Variants in SEPSECS observed in about 807,000 individuals in gnomAD.
The protein encoded by SEPSECS is O-phosphoseryl-tRNA(Sec) selenium transferase.
In SEPSECS, 42 loss-of-function variants were observed where a neutral mutation model predicts 52.1. That is an observed-to-expected ratio of 0.81 (90% CI 0.63 to 1.04). The LOEUF (loss-of-function observed/expected upper bound fraction) is 1.04. Among genes scored for constraint, SEPSECS ranks in the 50% least tolerant of loss-of-function variants. The pLI is 0.00. For missense variants in SEPSECS, 590 were observed against 610.6 expected, an observed-to-expected ratio of 0.97 and a Z score of 0.36; for synonymous variants, 216 against 211.4, an observed-to-expected ratio of 1.02 and a Z score of -0.19.
At chr4:25,124,606 TG>T (rs1278780976) in intron 10 of SEPSECS, among the ~76,000 whole-genome samples, 4 of 152,206 alleles carry the variant, frequency 2.6e-5, no homozygotes, top group Non-Finnish European at 4.4e-5. Context: ...GTGCCAAATC[TG>T]GAATATGACT....
rs75031491 is a variant in SEPSECS at position 25,140,856 on chromosome 4, G to A, written c.1026+3918C>T. Among the ~76,000 whole-genome samples the A allele has an allele frequency of 9.5e-3, 1,442 of 151,666 alleles. 40 individuals are homozygous for A. The highest frequency in any genetic ancestry group is 0.042 in the Admixed American group (642 of 15,244). On this transcript the variant is annotated intron_variant, in intron 8 of 10. Coordinates refer to ENST00000382103, the MANE Select transcript of SEPSECS (RefSeq NM_016955.4). ...ACTCCCTCCTCCTTAATACACAGTT[G>A]GTCCTCCATATCCATGAGTTCTGCC...
rs1012512862 is a variant in SEPSECS, at chr4:25,120,637, T to G, written c.*3294A>C. ...AGGTTGGCCTCAAAAATGCAAAACA[T>G]AACAAAATCATTTAAGGGTCTGGCA... On this transcript the variant is annotated 3_prime_UTR_variant, in exon 11 of 11. Coordinates refer to ENST00000382103, the MANE Select transcript of SEPSECS (RefSeq NM_016955.4). The G allele has an allele frequency of 2.6e-5, 4 of 152,118 alleles. No individual in the cohort carries two copies. Among genetic ancestry groups the G allele is most frequent in the Non-Finnish European group, 5.9e-5 (4 of 67,962 alleles). The allele number at this position is 152,118 out of a possible 1,614,324, so 9.4% of individuals were successfully genotyped here.
chr4:25,160,247 G>T lies in SEPSECS; in HGVS notation c.114+9C>A. ...GCGGCGGCTGGGGAGGGGACCGACA[G>T]CTCGGTACCTTCTCCAGAAGCAGCC... On this transcript the variant is annotated intron_variant, in intron 1 of 10. Transcript: ENST00000382103. 1 of 1,552,650 alleles carries T rather than the reference G, an allele frequency of 6.4e-7. No individual in the cohort carries two copies. The highest frequency in any genetic ancestry group is 1.9e-5 in the Admixed American group (1 of 51,724).
chr4:25,134,320 A>ATGTGTG (rs3066762), intron 8 of SEPSECS, among the ~76,000 whole-genome samples: 10,901 of 144,984 alleles, frequency 0.075, 430 homozygotes, highest in South Asian at 0.11. Context: ...ATCTTTAAAA[A>ATGTGTG]TGTGTGTGTG....
At chr4:25,156,582 C>A (rs928682878) in intron 3 of SEPSECS, among the ~76,000 whole-genome samples, 1 of 151,310 alleles carries the variant, frequency 6.6e-6, no homozygotes, top group Non-Finnish European at 1.5e-5. Flanking sequence ...GCGGTGGGCA[C>A]CTGTAGTCCC....
chr4:25,152,103 G>A (rs1232052262), intron 5 of SEPSECS, 41 bp from the exon 6 acceptor site: 1 of 1,176,988 alleles, frequency 8.5e-7, no homozygotes, highest in Non-Finnish European at 1.3e-6. Flanking sequence ...TACTCACACT[G>A]TGTTTTATAA....
intron 6 of SEPSECS, among the ~76,000 whole-genome samples, chr4:25,151,546 T>A (rs1055934020): frequency 6.6e-6 from 1 of 152,288 alleles, no homozygotes; most frequent in Non-Finnish European, 1.5e-5. Context: ...ACCTGCCAAT[T>A]CCACAGCTAT....
intron 2 of SEPSECS, among the ~76,000 whole-genome samples, 189 bp downstream of exon 2, chr4:25,158,764 T>C (rs1429254055): frequency 6.6e-6 from 1 of 152,214 alleles, no homozygotes; most frequent in Non-Finnish European, 1.5e-5. Flanking sequence ...CTATTGTCTT[T>C]GAAAAGCACC....
At chr4:25,146,868 T>C (rs1418105515) in intron 6 of SEPSECS, among the ~76,000 whole-genome samples, 1 of 152,208 alleles carries the variant, frequency 6.6e-6, no homozygotes, top group African/African-American at 2.4e-5. Flanking sequence ...AAAAATCTCA[T>C]ATGGGTTGCT....
At chr4:25,157,602 T>C (rs1483913234) in intron 2 of SEPSECS, among the ~76,000 whole-genome samples, 2 of 151,390 alleles carry the variant, frequency 1.3e-5, no homozygotes, top group African/African-American at 4.9e-5. Flanking sequence ...TGGAGTGCAG[T>C]GGCGCGATCT....
chr4:25,143,178 TA>T (rs1553880198), intron 8 of SEPSECS, among the ~76,000 whole-genome samples: 1 of 152,234 alleles, frequency 6.6e-6, no homozygotes, highest in Non-Finnish European at 1.5e-5. Context: ...TCTTATTGTA[TA>T]AAAATTCATT....
intron 6 of SEPSECS, among the ~76,000 whole-genome samples, chr4:25,148,405 G>C (rs1449341197): frequency 6.7e-6 from 1 of 148,628 alleles, no homozygotes; most frequent in African/African-American, 2.5e-5. Flanking sequence ...CACATGGAGA[G>C]TGTGTAGTAA....
rs778931501 is a variant in SEPSECS at position 25,124,208 on chromosome 4, G to C, written c.1229C>G (p.Ser410Cys). 16 of 1,613,302 alleles carry C rather than the reference G, an allele frequency of 9.9e-6. No homozygotes were observed. The highest frequency in any genetic ancestry group is 1.4e-5 in the Non-Finnish European group (16 of 1,179,604). ...AGTATAGCCACTCACAGTTTGCATGGACCCAAGAGGCACAACCCTGAAAGA... is the reference window on the plus strand; with the variant it reads ...AGTATAGCCACTCACAGTTTGCATGCACCCAAGAGGCACAACCCTGAAAGA... ...VSGARVVPLG[S>C]MQTVSGYTFR... The change falls in exon 11 of 11, where the codon TCC (serine) becomes TGC (cysteine). Residue 410 changes from serine to cysteine, a missense_variant. By Grantham distance (112) the Ser-to-Cys change is moderately radical. Transcript: ENST00000382103.
chr4:25,159,464 T>G, intron 1 of SEPSECS: 2 of 351,562 alleles, frequency 5.7e-6, no homozygotes, highest in Non-Finnish European at 1.1e-5. Flanking sequence ...GGGCGGTAGT[T>G]GTCAAACTTC....
chr4:25,138,469 TTAAA>T (rs1382952550), intron 8 of SEPSECS, among the ~76,000 whole-genome samples: 17 of 150,724 alleles, frequency 1.1e-4, no homozygotes, highest in African/African-American at 3.9e-4. Flanking sequence ...AAAAATAAAA[TTAAA>T]TAAATAAATA....
intron 6 of SEPSECS, among the ~76,000 whole-genome samples, chr4:25,150,730 G>T (rs772429833): frequency 4.6e-5 from 7 of 152,192 alleles, no homozygotes. Flanking sequence ...CAAGGGCTGG[G>T]CGCAGTGGCT....
intron 6 of SEPSECS, among the ~76,000 whole-genome samples, chr4:25,145,365 T>C (rs572910816): frequency 5.9e-5 from 9 of 152,182 alleles, no homozygotes; most frequent in African/African-American, 2.2e-4. Context: ...AAACAATGCA[T>C]GGAAAAAACA....
upstream of SEPSECS, chr4:25,160,482 A>G: frequency 1.2e-6 from 1 of 831,154 alleles, no homozygotes. Context: ...GCCTTGGGAC[A>G]AAAAACAAAA....
In SEPSECS at chr4:25,156,871, T is replaced by G. The variant is rs749054120; in HGVS notation, c.373A>C (p.Ile125Leu). ...NKITNSLVLD[I>L]IKLAGVHTVA... ...CGGTACATACCAGCCAGCTTTATAA[T>G]GTCCAGGACCAAAGAATTGGTAATT... The change falls in exon 3 of 11, where the codon ATT (isoleucine) becomes CTT (leucine). Residue 125 changes from isoleucine (I) to leucine (L), a missense_variant. Ile to Leu is a conservative substitution (Grantham distance 5, BLOSUM62 2). Transcript: ENST00000382103. 4.4e-6 allele frequency: 7 copies of G among 1,592,140 alleles called. No homozygotes were observed. In the Admixed American group the frequency reaches 1.0e-4, roughly 23 times the overall value.
Sources: allele counts gnomAD v4.1 joint callset (sites outside exome capture counted in the v4.1 genomes callset), GRCh38; gene constraint gnomAD v4.1.1; transcripts MANE v1.5; gene names NCBI Gene and HGNC (gene_info 2026-07-23, HGNC 2026-07-21).